Variants in EPHA5 observed in about 807,000 individuals in gnomAD.
EPHA5 encodes ephrin type-A receptor 5.
Under a neutral mutation model 105.0 loss-of-function variants are expected in EPHA5, and 60 were observed. The ratio of observed to expected loss-of-function variants is 0.57; its 90% confidence interval spans 0.46 to 0.71. The LOEUF is 0.71. Among genes scored for constraint, EPHA5 ranks in the 30% least tolerant of loss-of-function variants. The pLI is 0.00. For synonymous variants in EPHA5, 513 were observed against 449.1 expected, an observed-to-expected ratio of 1.14 and a Z score of -1.80; for missense variants, 1,218 against 1,274.7, an observed-to-expected ratio of 0.96 and a Z score of 0.68.
At chr4:65,450,324 T>A (rs375933381) in intron 5 of EPHA5, among the ~76,000 whole-genome samples, 4 of 152,204 alleles carry the variant, frequency 2.6e-5, no homozygotes, top group African/African-American at 9.6e-5. Context: ...TTCAGCCTAC[T>A]GCTAAGTACA....
chr4:65,545,983 T>G (rs1050270996), intron 3 of EPHA5, among the ~76,000 whole-genome samples: 2 of 151,908 alleles, frequency 1.3e-5, no homozygotes, highest in African/African-American at 4.8e-5. Context: ...TATTTACAGA[T>G]TTCCAGGCCA....
chr4:65,536,247 T>G (rs1287562227), intron 3 of EPHA5, among the ~76,000 whole-genome samples: 2 of 151,992 alleles, frequency 1.3e-5, no homozygotes, highest in Non-Finnish European at 2.9e-5. Flanking sequence ...TTGAAATAGA[T>G]AGCAATTTAT....
Position 65,388,739 on chromosome 4 carries a change from G to A in EPHA5, c.1793+15635C>T, listed in dbSNP as rs559751159. ...GCCCTTTGTCAGATGAGTAGGTTGC[G>A]AAAATTTTCTCCCATTTTGTAGGTT... is the stretch of plus-strand genomic sequence containing the variant. On this transcript the variant is annotated intron_variant, in intron 8 of 16. Transcript: ENST00000613740. 9.0e-3 allele frequency among the ~76,000 whole-genome samples: 1,332 copies of A among 147,576 alleles called. 19 individuals are homozygous for A. The highest frequency in any genetic ancestry group is 0.032 in the African/African-American group (1,254 of 39,432).
intron 8 of EPHA5, among the ~76,000 whole-genome samples, chr4:65,401,281 A>G (rs1721793560): frequency 6.6e-6 from 1 of 152,090 alleles, no homozygotes; most frequent in Non-Finnish European, 1.5e-5. Context: ...ATTCAGGACA[A>G]TCTAGGTACT....
chr4:65,505,139 G>A (rs1200142319), intron 3 of EPHA5, among the ~76,000 whole-genome samples: 1 of 152,006 alleles, frequency 6.6e-6, no homozygotes, highest in Non-Finnish European at 1.5e-5. Context: ...TTGGAAAGAA[G>A]TATTTCTGCT....
At chr4:65,585,911 C>T (rs1170793248) in intron 3 of EPHA5, among the ~76,000 whole-genome samples, 1 of 151,162 alleles carries the variant, frequency 6.6e-6, no homozygotes, top group Non-Finnish European at 1.5e-5. Flanking sequence ...GAAAAAAATG[C>T]CTGCAGCCTT....
At chr4:65,570,513 G>T (rs1462106507) in intron 3 of EPHA5, among the ~76,000 whole-genome samples, 3 of 150,270 alleles carry the variant, frequency 2.0e-5, no homozygotes, top group Non-Finnish European at 3.0e-5. Flanking sequence ...CCCTTTTTCG[G>T]CCTTGAAATT....
intron 3 of EPHA5, among the ~76,000 whole-genome samples, chr4:65,500,918 C>G (rs1013443295): frequency 4.2e-4 from 63 of 151,150 alleles, no homozygotes; most frequent in African/African-American, 1.4e-3. Context: ...ATATAATTAA[C>G]TTTCAAAAGC....
At chr4:65,361,102 T>C (rs539934643) in intron 11 of EPHA5, among the ~76,000 whole-genome samples, 40 of 151,766 alleles carry the variant, frequency 2.6e-4, no homozygotes, top group African/African-American at 9.6e-4. Context: ...AACAAAAACC[T>C]CTGCCCTTTG....
intron 16 of EPHA5, among the ~76,000 whole-genome samples, chr4:65,325,978 C>A (rs1203029256): frequency 6.7e-6 from 1 of 149,684 alleles, no homozygotes; most frequent in East Asian, 2.0e-4. Context: ...GTGACAAAAT[C>A]TCTCCTGGTT....
chr4:65,375,786 TAC>T (rs72454890), intron 8 of EPHA5, among the ~76,000 whole-genome samples: 26,556 of 132,020 alleles, frequency 0.2, 2,813 homozygotes, highest in African/African-American at 0.31. Flanking sequence ...CACACACACA[TAC>T]ACACACACAC....
intron 5 of EPHA5, among the ~76,000 whole-genome samples, chr4:65,421,475 CA>C (rs777023337): frequency 6.6e-6 from 1 of 152,024 alleles, no homozygotes; most frequent in African/African-American, 2.4e-5. Context: ...ATATTTTGTT[CA>C]GTAGTGAATA....
intron 3 of EPHA5, among the ~76,000 whole-genome samples, chr4:65,535,835 G>A (rs983155317): frequency 6.6e-6 from 1 of 151,842 alleles, no homozygotes; most frequent in African/African-American, 2.4e-5. Context: ...TTTTGCAAGG[G>A]ATCTCACAGG....
In EPHA5 at chr4:65,447,793, C is replaced by T. The variant is rs191288443; in HGVS notation, c.1403-27228G>A. 3.9e-3 allele frequency among the ~76,000 whole-genome samples: 522 copies of T among 135,204 alleles called. 2 individuals are homozygous for T. The highest frequency in any genetic ancestry group is 0.012 in the African/African-American group (475 of 38,396). The allele number at this position is 135,204 out of a possible 152,430, so 88.7% of individuals were successfully genotyped here. On this transcript the variant is annotated intron_variant, in intron 5 of 16. Coordinates refer to ENST00000613740, the MANE Select transcript of EPHA5 (RefSeq NM_001281766.3). ...CTTGAATAAATTTACCCTTATCTGA[C>T]CAAAAAAAAAATGATTTGAAGAAAT... is the stretch of plus-strand genomic sequence containing the variant.
chr4:65,326,897 T>G (rs1274687576), intron 16 of EPHA5, among the ~76,000 whole-genome samples: 1 of 151,226 alleles, frequency 6.6e-6, no homozygotes, highest in African/African-American at 2.4e-5. Context: ...CTGAAAGAAT[T>G]TATAAGTTCT....
intron 3 of EPHA5, chr4:65,573,935 G>C: frequency 6.2e-7 from 1 of 1,603,772 alleles, no homozygotes. Flanking sequence ...GACGCCACAG[G>C]GGCAAGAGGG....
intron 5 of EPHA5, among the ~76,000 whole-genome samples, chr4:65,481,722 G>T (rs1479553809): frequency 7.2e-5 from 11 of 152,056 alleles, no homozygotes; most frequent in African/African-American, 2.4e-4. Context: ...AATGCATGGG[G>T]GAATATGTGT....
chr4:65,503,327 G>A (rs10009576), intron 3 of EPHA5, among the ~76,000 whole-genome samples: 1 of 151,670 alleles, frequency 6.6e-6, no homozygotes, highest in African/African-American at 2.4e-5. Flanking sequence ...GTTGTTATTA[G>A]GTTAAAACAT....
intron 14 of EPHA5, among the ~76,000 whole-genome samples, chr4:65,340,420 GGCAAGGATAACTGATACAGAGCA>G (rs1407227490): frequency 2.0e-5 from 3 of 152,150 alleles, no homozygotes; most frequent in Non-Finnish European, 2.9e-5. Flanking sequence ...TCACCATAAT[GGCAAGGATAACTGATACAGAGCA>G]GCAGGAAGCA....
Sources: allele counts gnomAD v4.1 joint callset (sites outside exome capture counted in the v4.1 genomes callset), GRCh38; gene constraint gnomAD v4.1.1; transcripts MANE v1.5; gene names NCBI Gene and HGNC (gene_info 2026-07-23, HGNC 2026-07-21).